Variants in POLK observed in about 807,000 individuals in gnomAD.
POLK encodes the protein polymerase (DNA directed) kappa.
Under a neutral mutation model 94.0 loss-of-function variants are expected in POLK, and 76 were observed. The ratio of observed to expected loss-of-function variants is 0.81; its 90% CI spans 0.67 to 0.98. The LOEUF (loss-of-function observed/expected upper bound fraction) is 0.98. Ranked by LOEUF, POLK falls within the 50% of genes least tolerant of loss-of-function variation. The pLI is 0.00. For synonymous variants in POLK, 349 were observed against 325.4 expected (o/e 1.07, Z -0.78); for missense variants, 954 against 1,010.1 (o/e 0.94, Z 0.75).
intron 12 of POLK, among the ~76,000 whole-genome samples, chr5:75,594,501 C>A (rs1037311535): frequency 2.0e-5 from 3 of 152,170 alleles, no homozygotes; most frequent in Non-Finnish European, 1.5e-5. Flanking sequence ...TAATGAAATT[C>A]TTGTGGCCAG....
chr5:75,529,728 G>GT (rs1261851493), intron 1 of POLK, among the ~76,000 whole-genome samples: 5 of 152,002 alleles, frequency 3.3e-5, no homozygotes, highest in African/African-American at 1.2e-4. Context: ...TTATAATCTT[G>GT]TAATATATAT....
chr5:75,580,193 G>A (rs541014008), intron 6 of POLK, among the ~76,000 whole-genome samples: 17 of 151,382 alleles, frequency 1.1e-4, no homozygotes, highest in East Asian at 1.9e-4. Context: ...ATATACATTC[G>A]TATGCATCTT....
chr5:75,552,286 C>A (rs748554329), intron 2 of POLK, among the ~76,000 whole-genome samples, 186 bp from the exon 3 acceptor site: 7 of 152,130 alleles, frequency 4.6e-5, no homozygotes, highest in Non-Finnish European at 8.8e-5. Context: ...ATTCATCTTA[C>A]AAATAAAGAA....
chr5:75,526,206 G>A (rs1274284975), intron 1 of POLK, among the ~76,000 whole-genome samples: 2 of 152,066 alleles, frequency 1.3e-5, no homozygotes, highest in East Asian at 3.9e-4. Context: ...CTTGAAAAGG[G>A]AAGAGTGAGA....
At chr5:75,515,081 A>G (rs1561324061) in intron 1 of POLK, among the ~76,000 whole-genome samples, 1 of 152,172 alleles carries the variant, frequency 6.6e-6, no homozygotes, top group East Asian at 1.9e-4. Flanking sequence ...GTACACTAGC[A>G]AATATATGTT....
chr5:75,546,883 T>A (rs1770049421), intron 1 of POLK, 127 bp from the exon 2 acceptor site: 1 of 424,630 alleles, frequency 2.4e-6, no homozygotes, highest in Non-Finnish European at 4.4e-6. Flanking sequence ...CCCAGGCTGG[T>A]GTCGAACCCC....
At chr5:75,531,317 TTAGTATA>T (rs1368518311) in intron 1 of POLK, among the ~76,000 whole-genome samples, 1 of 144,612 alleles carries the variant, frequency 6.9e-6, no homozygotes, top group African/African-American at 2.5e-5. Flanking sequence ...CTATATATAT[TTAGTATA>T]TAGTATATAG....
At chr5:75,588,526 A>G (rs1772589024) in intron 10 of POLK, among the ~76,000 whole-genome samples, 1 of 152,246 alleles carries the variant, frequency 6.6e-6, no homozygotes, top group African/African-American at 2.4e-5. Flanking sequence ...GTTGGCAAAG[A>G]TTCTAACATA....
At chr5:75,538,609 G>C (rs1045632243) in intron 1 of POLK, 5 of 152,050 alleles carry the variant, frequency 3.3e-5, no homozygotes, top group African/African-American at 1.2e-4. Context: ...GGAGCTTTCT[G>C]GTGAAGACCG....
chr5:75,511,653 C>T, upstream of POLK: 1 of 1,511,160 alleles, frequency 6.6e-7, no homozygotes, highest in East Asian at 2.5e-5. Context: ...CTGTCCTTTC[C>T]CCTCCCCTTC....
intron 3 of POLK, among the ~76,000 whole-genome samples, chr5:75,559,192 G>A (rs185274614): frequency 3.0e-4 from 46 of 152,302 alleles, no homozygotes; most frequent in African/African-American, 1.1e-3. Flanking sequence ...TTCTATTTTA[G>A]AGTCTTAAAA....
intron 3 of POLK, among the ~76,000 whole-genome samples, chr5:75,564,697 A>G (rs1405616961): frequency 6.6e-6 from 1 of 152,090 alleles, no homozygotes; most frequent in Non-Finnish European, 1.5e-5. Context: ...TTCTTTAAGA[A>G]TGTTGAATGT....
chr5:75,513,512 G>C (rs1768172307), intron 1 of POLK, among the ~76,000 whole-genome samples: 1 of 152,152 alleles, frequency 6.6e-6, no homozygotes, highest in Non-Finnish European at 1.5e-5. Flanking sequence ...TCGAGAATAA[G>C]ACAGTGATTT....
At position 75,595,273 on chromosome 5, in the gene POLK, A is replaced by T. The variant is rs34322119; in HGVS notation, c.1529-949A>T. On this transcript the variant is annotated intron_variant, in intron 12 of 14. Coordinates refer to ENST00000241436, the Ensembl canonical transcript of POLK. Reference sequence around the variant, plus strand: ...GAAAAAAAAAAAAAAAAAAAAAAAAAGCCCAAGAGCAGATATCTATAGAAG... The same window carrying T: ...GAAAAAAAAAAAAAAAAAAAAAAAATGCCCAAGAGCAGATATCTATAGAAG... Among the ~76,000 whole-genome samples the T allele has an allele frequency of 9.1e-4, 135 of 148,852 alleles. 1 individual carries two copies. The highest frequency in any genetic ancestry group is 6.9e-3 in the Middle Eastern group (2 of 288).
At chr5:75,586,877 T>C in intron 9 of POLK, 149 bp from the exon 10 acceptor site, 1 of 577,858 alleles carries the variant, frequency 1.7e-6, no homozygotes, top group Non-Finnish European at 3.1e-6. Flanking sequence ...TGGTGATTTG[T>C]TTTTAGATAA....
chr5:75,552,368 T>C (rs1443141896), intron 2 of POLK, 104 bp from the exon 3 acceptor site: 7 of 1,056,540 alleles, frequency 6.6e-6, no homozygotes, highest in African/African-American at 3.2e-5. Context: ...GTTTTAAATT[T>C]AATCTTCTGT....
At chr5:75,531,533 G>T (rs1325313966) in intron 1 of POLK, among the ~76,000 whole-genome samples, 1 of 152,044 alleles carries the variant, frequency 6.6e-6, no homozygotes, top group South Asian at 2.1e-4. Flanking sequence ...GGTGGCTCAC[G>T]CCTGTAATCC....
exon 13 of POLK, chr5:75,596,633 T>C (rs1773103390): frequency 6.2e-7 from 1 of 1,614,066 alleles, no homozygotes; most frequent in Non-Finnish European, 8.5e-7. Context: ...GATGAATGTC[T>C]TGATGGACCT....
At chr5:75,545,304 G>A (rs571304474) in intron 1 of POLK, among the ~76,000 whole-genome samples, 27 of 152,196 alleles carry the variant, frequency 1.8e-4, no homozygotes, top group African/African-American at 5.1e-4. Context: ...AGTCACAATC[G>A]TAATTTATTT....
Sources: allele counts gnomAD v4.1 joint callset (sites outside exome capture counted in the v4.1 genomes callset), GRCh38; gene constraint gnomAD v4.1.1; transcripts MANE v1.5; gene names NCBI Gene and HGNC (gene_info 2026-07-23, HGNC 2026-07-21).